The following SYNE1 variants were observed in gnomAD, a reference collection of about 807,000 sequenced individuals.
The protein encoded by SYNE1 is spectrin repeat containing nuclear envelope protein 1, also known as nesprin-1.
Under a neutral mutation model 1,111.0 loss-of-function variants are expected in SYNE1, and 616 were observed. The ratio of observed to expected loss-of-function variants is 0.55; its 90% CI spans 0.52 to 0.59. SYNE1 has a LOEUF of 0.59. Ranked by LOEUF, SYNE1 falls within the 20% of genes least tolerant of loss-of-function variation. The pLI, the probability that SYNE1 is intolerant of heterozygous loss-of-function variation, is 0.00. For synonymous variants in SYNE1, 3,855 were observed against 3,825.8 expected, an observed-to-expected ratio of 1.01 and a Z score of -0.28; for missense variants, 10,006 against 10,417.0, an observed-to-expected ratio of 0.96 and a Z score of 1.72.
At position 152,269,218 on chromosome 6, in the gene SYNE1, T is replaced by C; in HGVS notation, c.18642A>G (p.Glu6214=). The change falls in exon 99 of 146, where the codon GAA becomes GAG. Residue 6214 remains glutamate, a synonymous_variant. Coordinates refer to ENST00000367255, the MANE Select transcript of SYNE1 (RefSeq NM_182961.4). ...LTATQSPGVQ[E]WLAQARTTWT... is the part of the protein sequence containing the mutation. ...ATGTGGTGCGAGCTTGGGCCAGCCATTCCTGGACGCCGGGGCTCTGCGTGG... is the reference window on the plus strand; with the variant it reads ...ATGTGGTGCGAGCTTGGGCCAGCCACTCCTGGACGCCGGGGCTCTGCGTGG... 1 of 1,614,202 alleles carries C rather than the reference T, an allele frequency of 6.2e-7. No individual in the cohort carries two copies. Among genetic ancestry groups the C allele is most frequent in the African/African-American group, 1.3e-5 (1 of 75,052 alleles).
At chr6:152,302,848 A>G (rs1230281007) in intron 91 of SYNE1, among the ~76,000 whole-genome samples, 1 of 152,144 alleles carries the variant, frequency 6.6e-6, no homozygotes, top group Middle Eastern at 3.2e-3. Flanking sequence ...ATGAAAAAAT[A>G]TATTATGAGA....
rs185996130 is a variant in SYNE1, at chr6:152,261,241, A to G, written c.18972+791T>C. Among the ~76,000 whole-genome samples the G allele has an allele frequency of 8.7e-4, 132 of 152,214 alleles. 1 individual carries two copies. The highest frequency in any genetic ancestry group is 1.4e-3 in the Non-Finnish European group (95 of 68,042). ...GAGCCTAGATGGACGCTGCTAGCCC[A>G]GGACAAAGGACTAGTCTTGTATCTG... On this transcript the variant is annotated intron_variant, in intron 101 of 145. Coordinates refer to ENST00000367255, the MANE Select transcript of SYNE1 (RefSeq NM_182961.4).
intron 130 of SYNE1, among the ~76,000 whole-genome samples, chr6:152,170,223 T>G (rs991531398): frequency 6.6e-6 from 1 of 152,210 alleles, no homozygotes; most frequent in Non-Finnish European, 1.5e-5. Context: ...AAAGATACAA[T>G]TATTCAAAGA....
At position 152,545,367 on chromosome 6, in the gene SYNE1, G is replaced by A. The variant is rs536483815; in HGVS notation, c.68-5346C>T. ...AGCCCAGGCAGGAGGATCACTTGAG[G>A]TCAAGAGTTTGAGACTAGCCTGGCC... is the stretch of plus-strand genomic sequence containing the variant. On this transcript the variant is annotated intron_variant, in intron 3 of 145. Transcript: ENST00000367255. Among the ~76,000 whole-genome samples the A allele has an allele frequency of 3.1e-4, 47 of 152,176 alleles. No individual in the cohort carries two copies. The South Asian group carries it at 7.5e-3, about 24-fold the overall frequency.
intron 76 of SYNE1, 127 bp downstream of exon 76, chr6:152,336,712 TAA>T: frequency 7.9e-7 from 1 of 1,262,404 alleles, no homozygotes; most frequent in Non-Finnish European, 1.1e-6. Flanking sequence ...ACCTCTGCCT[TAA>T]AGAGTTGTAT....
At chr6:152,475,089 T>C (rs2098827345) in intron 14 of SYNE1, among the ~76,000 whole-genome samples, 1 of 152,150 alleles carries the variant, frequency 6.6e-6, no homozygotes, top group South Asian at 2.1e-4. Flanking sequence ...CTATCTTCTT[T>C]TTACAAAAGA....
chr6:152,441,586 G>C (rs2098530823), intron 31 of SYNE1, among the ~76,000 whole-genome samples: 1 of 152,168 alleles, frequency 6.6e-6, no homozygotes, highest in Non-Finnish European at 1.5e-5. Flanking sequence ...CTCTCAATCT[G>C]TCTCAAACAA....
chr6:152,275,976 C>T (rs999354551), intron 98 of SYNE1, among the ~76,000 whole-genome samples: 17 of 147,942 alleles, frequency 1.1e-4, no homozygotes, highest in African/African-American at 4.2e-4. Context: ...TGGGATATTA[C>T]ATTATTCCTC....
rs149448385 is a variant in SYNE1 at position 152,416,934 on chromosome 6, G to C, written c.5503C>G (p.Arg1835Gly). 1 of 1,614,124 alleles carries C rather than the reference G, an allele frequency of 6.2e-7. No individual in the cohort carries two copies. The change falls in exon 41 of 146, where the codon CGT becomes GGT. Residue 1835 changes from arginine (R) to glycine (G), a missense_variant. Arg to Gly is a moderately radical substitution (Grantham distance 125, BLOSUM62 -2). This residue lies in a region of SYNE1 where 4,955 missense variants were observed against 5,017.2 expected (regional missense o/e 0.99). Transcript: ENST00000367255. ...GHLAKLGSLG[R>G]AEDLHLLQGK... Reference sequence around the variant, plus strand: ...TGCAGGAGGTGGAGGTCCTCAGCACGGCCCAGAGAACCCAACTTTGCTAAG... The same window carrying C: ...TGCAGGAGGTGGAGGTCCTCAGCACCGCCCAGAGAACCCAACTTTGCTAAG...
At chr6:152,292,336 C>T (rs2094646347) in intron 95 of SYNE1, among the ~76,000 whole-genome samples, 1 of 152,164 alleles carries the variant, frequency 6.6e-6, no homozygotes, top group Non-Finnish European at 1.5e-5. Context: ...GCTTTCATAG[C>T]ATCCTCTGCA....
rs369260919 is a variant in SYNE1, at chr6:152,211,540, T to C, written c.22543A>G (p.Ile7515Val). 20 of 1,613,834 alleles carry C rather than the reference T, an allele frequency of 1.2e-5. No individual in the cohort carries two copies. Among genetic ancestry groups the C allele is most frequent in the Admixed American group, 1.7e-5 (1 of 60,000 alleles). The change falls in exon 124 of 146, where the codon ATT becomes GTT. Residue 7515 changes from isoleucine to valine, a missense_variant. Ile to Val is a conservative substitution (Grantham distance 29, BLOSUM62 3). This residue lies in a region of SYNE1 where 2,182 missense variants were observed against 2,287.8 expected (regional missense o/e 0.95). Transcript: ENST00000367255. ...FSRQQILHSI[I>V]IDGQRLLEQG... ...TCTAGAAGACGTTGCCCATCAATAA[T>C]GATTGAGTGCAAAATCTGCTGACGA... is the stretch of plus-strand genomic sequence containing the variant.
intron 145 of SYNE1, chr6:152,129,292 G>C (rs575759498): frequency 6.6e-6 from 1 of 152,152 alleles, no homozygotes; most frequent in African/African-American, 2.4e-5. Context: ...CCCCCTTCTC[G>C]TCACTATCAT....
intron 58 of SYNE1, chr6:152,376,174 A>G (rs1378228400): frequency 1.4e-5 from 8 of 566,924 alleles, no homozygotes; most frequent in Non-Finnish European, 2.2e-5. Flanking sequence ...TCCTATGAGA[A>G]TCTGATGCTA....
intron 130 of SYNE1, among the ~76,000 whole-genome samples, chr6:152,174,221 C>T (rs1225507907): frequency 6.6e-6 from 1 of 152,140 alleles, no homozygotes; most frequent in African/African-American, 2.4e-5. Flanking sequence ...GGGATGTTTA[C>T]CAAACAGGCA....
chr6:152,518,656 A>G (rs1200691259), intron 6 of SYNE1, among the ~76,000 whole-genome samples: 1 of 152,056 alleles, frequency 6.6e-6, no homozygotes, highest in Non-Finnish European at 1.5e-5. Flanking sequence ...CTAACACACT[A>G]GGGTTGAAAA....
At chr6:152,365,064 C>A in intron 62 of SYNE1, 45 bp from the exon 63 acceptor site, 1 of 1,608,192 alleles carries the variant, frequency 6.2e-7, no homozygotes, top group Non-Finnish European at 8.5e-7. Context: ...GTATGTTTAA[C>A]ATTGCTGGCT....
At chr6:152,489,957 G>C (rs559982304) in intron 11 of SYNE1, among the ~76,000 whole-genome samples, 1 of 152,144 alleles carries the variant, frequency 6.6e-6, no homozygotes, top group African/African-American at 2.4e-5. Flanking sequence ...ATCATATATT[G>C]AGAACACTTC....
At chr6:152,155,792 C>T (rs1187507093) in intron 132 of SYNE1, 118 bp downstream of exon 132, 1 of 1,246,562 alleles carries the variant, frequency 8.0e-7, no homozygotes, top group Non-Finnish European at 1.2e-6. Context: ...TTTGGGAAGC[C>T]ACAGCTATTT....
At chr6:152,529,394 C>T (rs535949599) in intron 4 of SYNE1, among the ~76,000 whole-genome samples, 1 of 152,282 alleles carries the variant, frequency 6.6e-6, no homozygotes, top group African/African-American at 2.4e-5. Flanking sequence ...ATCATATTCT[C>T]TGCTTGGGTC....
Sources: allele counts gnomAD v4.1 joint callset (sites outside exome capture counted in the v4.1 genomes callset), GRCh38; gene constraint gnomAD v4.1.1; regional missense constraint gnomAD v4.1.1; transcripts MANE v1.5; gene names NCBI Gene and HGNC (gene_info 2026-07-23, HGNC 2026-07-21).